The following MMD2 variants were observed in gnomAD, a reference collection of about 807,000 sequenced individuals.
MMD2 encodes monocyte to macrophage differentiation factor 2.
MMD2 carries 30 observed loss-of-function variants against 33.5 expected under a neutral mutation model. The observed-to-expected ratio is 0.90, with a 90% CI of 0.67 to 1.22. MMD2 has a LOEUF of 1.22. Ranked by LOEUF, MMD2 falls within the 50% of genes most tolerant of loss-of-function variation. MMD2 has a pLI of 0.00. For missense variants in MMD2, 364 were observed against 325.4 expected, an observed-to-expected ratio of 1.12 and a Z score of -0.91; for synonymous variants, 129 against 123.0, an observed-to-expected ratio of 1.05 and a Z score of -0.32.
chr7:4,919,237 T>C (rs954864124), intron 3 of MMD2, among the ~76,000 whole-genome samples: 1 of 152,182 alleles, frequency 6.6e-6, no homozygotes, highest in Non-Finnish European at 1.5e-5. Context: ...GTGACCACCC[T>C]GCAGCCAGCA....
intron 1 of MMD2, among the ~76,000 whole-genome samples, chr7:4,945,677 C>T (rs113316362): frequency 3.9e-5 from 6 of 152,112 alleles, no homozygotes; most frequent in African/African-American, 1.2e-4. Flanking sequence ...AGGGTTCAAA[C>T]GATTCTCCTG....
chr7:4,904,265 C>G (rs1166786193), downstream of MMD2, among the ~76,000 whole-genome samples: 2 of 152,188 alleles, frequency 1.3e-5, no homozygotes, highest in Non-Finnish European at 2.9e-5. Flanking sequence ...GGTGCGCAGC[C>G]TAGAATGCTC....
chr7:4,952,682 G>A (rs535587102), intron 1 of MMD2, among the ~76,000 whole-genome samples: 15 of 134,306 alleles, frequency 1.1e-4, no homozygotes, highest in South Asian at 1.0e-3. Context: ...TGCGTGCTCC[G>A]TATGAGATTT....
At chr7:4,925,586 G>A (rs967429061) in intron 1 of MMD2, 54 bp from the exon 2 acceptor site, 19 of 1,390,120 alleles carry the variant, frequency 1.4e-5, no homozygotes, top group African/African-American at 1.2e-4. Flanking sequence ...GGTGCCATCC[G>A]AATTCCCAGG....
chr7:4,922,727 A>G (rs1785319455), intron 2 of MMD2, among the ~76,000 whole-genome samples: 2 of 152,036 alleles, frequency 1.3e-5, no homozygotes, highest in African/African-American at 4.8e-5. Flanking sequence ...GACACATGCC[A>G]CTGCGCCTGG....
chr7:4,958,056 A>C (rs1299419407), intron 1 of MMD2, among the ~76,000 whole-genome samples: 1 of 152,058 alleles, frequency 6.6e-6, no homozygotes. Flanking sequence ...AGCACACACC[A>C]GGCCCCTCTG....
intron 3 of MMD2, among the ~76,000 whole-genome samples, chr7:4,917,285 G>T (rs1326225759): frequency 6.6e-6 from 1 of 152,108 alleles, no homozygotes; most frequent in Admixed American, 6.6e-5. Flanking sequence ...AAACACGGAG[G>T]ATGCCAGCAA....
intron 4 of MMD2, among the ~76,000 whole-genome samples, chr7:4,913,765 C>A (rs575120972): frequency 2.0e-5 from 3 of 148,504 alleles, no homozygotes; most frequent in Non-Finnish European, 3.0e-5. Flanking sequence ...TTTTTCAAGC[C>A]ATTCTCCTGC....
At position 4,907,604 on chromosome 7, in the gene MMD2, C is replaced by T. The variant is rs201955602; in HGVS notation, c.538-5G>A. 137 of 1,612,034 alleles carry T rather than the reference C, an allele frequency of 8.5e-5. No homozygotes were observed. The highest frequency in any genetic ancestry group is 7.6e-4 in the African/African-American group (57 of 74,978). ...CCAGATGCCCTCGGTGTTGGGCTGT[C>T]GGCAAGGACAAGGGTGGGGCACAGG... On this transcript the variant is annotated splice_region_variant and splice_polypyrimidine_tract_variant and intron_variant, in intron 6 of 6. Transcript: ENST00000401401.
intron 3 of MMD2, 68 bp downstream of exon 3, chr7:4,920,103 C>G (rs1004437376): frequency 1.3e-6 from 2 of 1,503,310 alleles, no homozygotes; most frequent in African/African-American, 2.8e-5. Context: ...GGTTCACCCC[C>G]CGGGCTGCCA....
intron 1 of MMD2, among the ~76,000 whole-genome samples, chr7:4,929,073 G>T (rs1442629257): frequency 1.3e-5 from 2 of 152,146 alleles, no homozygotes; most frequent in Non-Finnish European, 1.5e-5. Context: ...GGGCAGGGGG[G>T]TCTGCCAGGC....
At chr7:4,931,395 C>G (rs931572343) in intron 1 of MMD2, among the ~76,000 whole-genome samples, 2 of 150,618 alleles carry the variant, frequency 1.3e-5, no homozygotes, top group African/African-American at 4.9e-5. Context: ...TCAGTTAATC[C>G]TCCCACCTCA....
chr7:4,924,377 T>G (rs1785369287), intron 2 of MMD2, among the ~76,000 whole-genome samples: 1 of 151,740 alleles, frequency 6.6e-6, no homozygotes, highest in Non-Finnish European at 1.5e-5. Flanking sequence ...GGGCGGGGGG[T>G]TTGAGAATTA....
the MMD2 span, among the ~76,000 whole-genome samples, chr7:4,892,604 A>G: frequency 1.3e-5 from 2 of 149,244 alleles, no homozygotes; most frequent in Non-Finnish European, 3.0e-5. Flanking sequence ...ATAAATAAAT[A>G]AATAAATAAA....
At chr7:4,956,205 T>C (rs1039516325) in intron 1 of MMD2, among the ~76,000 whole-genome samples, 1 of 152,058 alleles carries the variant, frequency 6.6e-6, no homozygotes, top group Non-Finnish European at 1.5e-5. Context: ...GGAGGATCAC[T>C]TGAGCCTAGG....
chr7:4,927,110 A>G (rs113770675), intron 1 of MMD2, among the ~76,000 whole-genome samples: 2 of 152,016 alleles, frequency 1.3e-5, no homozygotes, highest in African/African-American at 4.8e-5. Flanking sequence ...GAATTCTCCA[A>G]CCCACTGCAG....
chr7:4,941,230 C>G (rs1195907564), intron 1 of MMD2, among the ~76,000 whole-genome samples: 1 of 152,192 alleles, frequency 6.6e-6, no homozygotes, highest in Non-Finnish European at 1.5e-5. Flanking sequence ...AATCATCTCC[C>G]AGAGATTCCT....
chr7:4,938,002 C>CTTTTTTTTTTTTTTTTTTT (rs1165504272), intron 1 of MMD2, among the ~76,000 whole-genome samples: 5 of 45,646 alleles, frequency 1.1e-4, no homozygotes, highest in East Asian at 8.8e-4. Context: ...TTCTTTCTTT[C>CTTTTTTTTTTTTTTTTTTT]TTTTTTTTTT....
At chr7:4,905,388 G>A (rs1396061010), downstream of MMD2, among the ~76,000 whole-genome samples, 1 of 148,566 alleles carries the variant, frequency 6.7e-6, no homozygotes, top group Admixed American at 6.8e-5. This position sits in a 1 kb window ranked among gnomAD's most constrained non-coding sequence, Gnocchi z 5.0. Context: ...AGGAGGAAGG[G>A]GAAAAGGAGG....
Sources: gnomAD v4.1 joint callset for allele counts (sites outside exome capture counted in the v4.1 genomes callset) on GRCh38, gnomAD v4.1.1 for gene constraint, Gnocchi (gnomAD v3.1) non-coding constraint, MANE v1.5 for transcripts, NCBI Gene and HGNC (gene_info 2026-07-23, HGNC 2026-07-21) for gene names.